IL17RD: variants seen among roughly 807,000 people sequenced by gnomAD.
IL17RD encodes the protein interleukin 17 receptor D, also known as interleukin-17 receptor D.
In IL17RD, 52 loss-of-function variants were observed where a neutral mutation model predicts 80.5. The observed-to-expected ratio is 0.65, with a 90% CI of 0.52 to 0.81. The LOEUF (loss-of-function observed/expected upper bound fraction) is 0.81. IL17RD is among the 40% of genes least tolerant of loss of function. The probability of loss-of-function intolerance (pLI) is 0.00; values close to 1 mark genes in which losing one functional copy is unlikely to be tolerated. For missense variants in IL17RD, 1,024 were observed against 955.1 expected, an observed-to-expected ratio of 1.07 and a Z score of -0.95; for synonymous variants, 416 against 391.8, an observed-to-expected ratio of 1.06 and a Z score of -0.73.
At chr3:57,097,495 C>T (rs764380899) in intron 12 of IL17RD, 101 bp downstream of exon 12, 4 of 868,450 alleles carry the variant, frequency 4.6e-6, no homozygotes, top group Non-Finnish European at 7.5e-6. Flanking sequence ...GGTTTCATTG[C>T]CCAATAAGTT....
intron 1 of IL17RD, among the ~76,000 whole-genome samples, chr3:57,157,288 A>T (rs139295994): frequency 0.027 from 4,048 of 152,284 alleles, 83 homozygotes; most frequent in South Asian, 0.047. Context: ...AGCCCGTTCA[A>T]GTTTCTCTGG....
At chr3:57,166,005 T>C (rs1042396996), upstream of IL17RD, among the ~76,000 whole-genome samples, 3 of 152,152 alleles carry the variant, frequency 2.0e-5, no homozygotes, top group Non-Finnish European at 2.9e-5. Context: ...CACACAGCTG[T>C]TACCTGCCAG....
At chr3:57,120,386 C>G in intron 1 of IL17RD, 73 bp from the exon 2 acceptor site, 1 of 1,043,084 alleles carries the variant, frequency 9.6e-7, no homozygotes, top group African/African-American at 1.6e-5. Context: ...CCATGGAGTC[C>G]AAATGCAAGC....
At chr3:57,105,552 A>AAAAATAT in intron 7 of IL17RD, among the ~76,000 whole-genome samples, 3 of 63,590 alleles carry the variant, frequency 4.7e-5, no homozygotes, top group African/African-American at 9.3e-5. Context: ...AAAAAAAAAA[A>AAAAATAT]ATATATATAT....
chr3:57,163,803 A>AGGG (rs1401715931), intron 1 of IL17RD, among the ~76,000 whole-genome samples: 17 of 5,528 alleles, frequency 3.1e-3, no homozygotes, highest in Non-Finnish European at 5.1e-3. Flanking sequence ...CGGGGGGGGA[A>AGGG]GGGGGTGGCG....
At position 57,158,858 on chromosome 3, in the gene IL17RD, G is replaced by A. The variant is rs561969131; in HGVS notation, c.126+6303C>T. Among the ~76,000 whole-genome samples the A allele has an allele frequency of 3.3e-5, 5 of 152,312 alleles. No homozygotes were observed. The South Asian group carries it at 1.0e-3, about 32-fold the overall frequency. On this transcript the variant is annotated intron_variant, in intron 1 of 12. Transcript: ENST00000296318. ...TTTAATATATTGTTTGGGAAAGGAT[G>A]AAGGAGTCTCCCCAGAGATATTCTT...
intron 1 of IL17RD, among the ~76,000 whole-genome samples, chr3:57,154,218 C>T (rs1057314619): frequency 6.7e-5 from 10 of 150,118 alleles, no homozygotes; most frequent in East Asian, 1.9e-4. Flanking sequence ...GACTGCACTT[C>T]GGCCTGAGTG....
At chr3:57,139,321 C>A (rs894178350) in intron 1 of IL17RD, among the ~76,000 whole-genome samples, 1 of 151,972 alleles carries the variant, frequency 6.6e-6, no homozygotes, top group East Asian at 1.9e-4. Context: ...AAACAGGCTA[C>A]GGGTAAAAGA....
Position 57,145,421 on chromosome 3 carries a change from G to A in IL17RD, c.126+19740C>T, listed in dbSNP as rs374200160. On this transcript the variant is annotated intron_variant, in intron 1 of 12. Transcript: ENST00000296318. ...GGAGACGTGGGCACCCTCCATGTACGCAAGCAACACAGGCACATCAAAAGT... is the reference window on the plus strand; with the variant it reads ...GGAGACGTGGGCACCCTCCATGTACACAAGCAACACAGGCACATCAAAAGT... 8.1e-4 allele frequency among the ~76,000 whole-genome samples: 124 copies of A among 152,276 alleles called. 1 individual carries two copies. The South Asian group carries it at 0.023, about 28-fold the overall frequency.
intron 1 of IL17RD, among the ~76,000 whole-genome samples, chr3:57,136,489 G>A (rs972647847): frequency 6.6e-6 from 1 of 151,840 alleles, no homozygotes; most frequent in Non-Finnish European, 1.5e-5. Flanking sequence ...AGAATAATTA[G>A]CTGGGTGTGG....
chr3:57,127,403 T>TAAATAAATAAATAAATAA (rs1453243705), intron 1 of IL17RD, among the ~76,000 whole-genome samples: 2 of 102,586 alleles, frequency 1.9e-5, no homozygotes, highest in Non-Finnish European at 3.7e-5. Context: ...TAAATATATA[T>TAAATAAATAAATAAATAA]ATATATATAT....
chr3:57,130,067 T>C (rs1355523837), intron 1 of IL17RD, among the ~76,000 whole-genome samples: 3 of 152,094 alleles, frequency 2.0e-5, no homozygotes, highest in Admixed American at 2.0e-4. Context: ...CAAGGCAGGG[T>C]GTATTTGCTT....
chr3:57,103,362 A>G (rs144442403), intron 8 of IL17RD, among the ~76,000 whole-genome samples: 2 of 152,294 alleles, frequency 1.3e-5, no homozygotes, highest in African/African-American at 4.8e-5. Context: ...TCGAAACTCT[A>G]AGTTCATCAT....
At chr3:57,101,401 C>T in intron 10 of IL17RD, 38 bp from the exon 11 acceptor site, 1 of 1,354,556 alleles carries the variant, frequency 7.4e-7, no homozygotes, top group Non-Finnish European at 1.0e-6. Flanking sequence ...TACTTGCAAG[C>T]AACGCTTTGT....
At chr3:57,149,733 TG>T (rs1317498641) in intron 1 of IL17RD, among the ~76,000 whole-genome samples, 3 of 152,214 alleles carry the variant, frequency 2.0e-5, no homozygotes, top group Non-Finnish European at 4.4e-5. Flanking sequence ...GAAGTTCTGT[TG>T]GATAGCACTG....
upstream of IL17RD, among the ~76,000 whole-genome samples, chr3:57,169,601 G>T (rs560885837): frequency 1.4e-3 from 212 of 152,276 alleles, 1 homozygote; most frequent in African/African-American, 5.0e-3. Flanking sequence ...TTTGAGCAGG[G>T]AATAACTAAA....
intron 1 of IL17RD, among the ~76,000 whole-genome samples, chr3:57,127,304 A>ATAT (rs1707497563): frequency 1.2e-5 from 1 of 86,032 alleles, no homozygotes. Context: ...AAATATATAT[A>ATAT]AAAATATATA....
intron 2 of IL17RD, among the ~76,000 whole-genome samples, chr3:57,119,781 A>G (rs1234088445): frequency 6.6e-6 from 1 of 152,076 alleles, no homozygotes; most frequent in African/African-American, 2.4e-5. Context: ...AAAAAGCACA[A>G]ATTTCTCACT....
intron 1 of IL17RD, among the ~76,000 whole-genome samples, chr3:57,153,727 AAG>A (rs551257704): frequency 5.6e-4 from 85 of 152,258 alleles, no homozygotes; most frequent in Non-Finnish European, 7.2e-4. Context: ...GGATGGGAGA[AAG>A]AGCACAATAA....
Sources: allele counts gnomAD v4.1 joint callset (sites outside exome capture counted in the v4.1 genomes callset), GRCh38; gene constraint gnomAD v4.1.1; transcripts MANE v1.5; gene names NCBI Gene and HGNC (gene_info 2026-07-23, HGNC 2026-07-21).